The following SAXO3 variants were observed in gnomAD, a reference collection of about 807,000 sequenced individuals.
SAXO3 encodes stabilizer of axonemal microtubules 3.
chr19:49,018,808 C>T, the SAXO3 span: 2 of 1,376,146 alleles, frequency 1.5e-6, no homozygotes, highest in Non-Finnish European at 2.0e-6. Context: ...AGCCCAGGGG[C>T]TCGGCGTGCA....
At chr19:49,019,328 G>C in the SAXO3 span, 2 of 1,176,732 alleles carry the variant, frequency 1.7e-6, no homozygotes, top group South Asian at 3.5e-5. Context: ...GTGGCCACTG[G>C]AGCTGAGCTG....
At chr19:49,019,990 A>G in the SAXO3 span, 1 of 1,510,976 alleles carries the variant, frequency 6.6e-7, no homozygotes, top group East Asian at 2.5e-5. Flanking sequence ...AGGGCCCGCC[A>G]TGGGTCTTGG....
At chr19:49,020,485 G>T in the SAXO3 span, 1 of 398,920 alleles carries the variant, frequency 2.5e-6, no homozygotes, top group South Asian at 1.3e-4. Flanking sequence ...GCAGAGATAC[G>T]ACAGCCCGGA....
the SAXO3 span, chr19:49,019,505 C>T: frequency 2.5e-6 from 3 of 1,183,970 alleles, no homozygotes; most frequent in Middle Eastern, 3.2e-4. Flanking sequence ...GCCTAATGCC[C>T]AGCCCCTCCC....
At chr19:49,018,104 C>T in the SAXO3 span, 3 of 399,180 alleles carry the variant, frequency 7.5e-6, no homozygotes, top group Admixed American at 4.4e-5. Flanking sequence ...GCGGTCGAGC[C>T]GCCGGAGCGG....
At chr19:49,019,689 C>T in the SAXO3 span, 2 of 1,230,244 alleles carry the variant, frequency 1.6e-6, no homozygotes, top group Non-Finnish European at 2.1e-6. Context: ...GTTGTGGGGG[C>T]TGGGGCCCGA....
the SAXO3 span, chr19:49,020,384 G>C: frequency 2.5e-6 from 1 of 402,938 alleles, no homozygotes. Flanking sequence ...CCTGCACCGT[G>C]GGCGGGGTGA....
chr19:49,020,400 A>G, the SAXO3 span: 1 of 400,646 alleles, frequency 2.5e-6, no homozygotes, highest in Non-Finnish European at 4.4e-6. Context: ...GGTGAAGGGT[A>G]TGGGTGGGAT....
At chr19:49,018,032 C>T in the SAXO3 span, 3 of 398,476 alleles carry the variant, frequency 7.5e-6, no homozygotes, top group Non-Finnish European at 1.3e-5. Flanking sequence ...TTTCGGCACG[C>T]TGTAGATGCC....
the SAXO3 span, chr19:49,018,997 G>C: frequency 2.0e-6 from 3 of 1,532,498 alleles, no homozygotes; most frequent in Non-Finnish European, 2.6e-6. Flanking sequence ...CAGGCAATTA[G>C]AGCCTGAGCA....
At chr19:49,019,682 G>T in the SAXO3 span, 5 of 1,236,600 alleles carry the variant, frequency 4.0e-6, no homozygotes, top group Middle Eastern at 5.0e-4. Context: ...TCTGCGAGTT[G>T]TGGGGGCTGG....
chr19:49,018,573 T>A, the SAXO3 span, among the ~76,000 whole-genome samples: 5 of 151,910 alleles, frequency 3.3e-5, no homozygotes, highest in Non-Finnish European at 7.4e-5. Flanking sequence ...TTCGCTTCCT[T>A]GGGAAGGAGT....
At chr19:49,018,521 T>G in the SAXO3 span, among the ~76,000 whole-genome samples, 2 of 152,132 alleles carry the variant, frequency 1.3e-5, no homozygotes, top group African/African-American at 4.8e-5. Context: ...CTTAACGTCC[T>G]GGAAACTGAG....
chr19:49,019,564 C>A, the SAXO3 span: 1 of 1,217,116 alleles, frequency 8.2e-7, no homozygotes, highest in South Asian at 2.7e-5. Context: ...TAGCCACGCC[C>A]CAAAGCCGTG....
At chr19:49,018,068 C>T in the SAXO3 span, 4 of 398,796 alleles carry the variant, frequency 1.0e-5, no homozygotes, top group Non-Finnish European at 1.8e-5. Flanking sequence ...GTGCGGGCCG[C>T]CCCAGGGCGC....
At chr19:49,019,560 C>T in the SAXO3 span, 3 of 1,191,636 alleles carry the variant, frequency 2.5e-6, no homozygotes, top group African/African-American at 1.6e-5. Flanking sequence ...CCTTTAGCCA[C>T]GCCCCAAAGC....
chr19:49,019,014 G>C, the SAXO3 span: 1 of 1,529,464 alleles, frequency 6.5e-7, no homozygotes, highest in Admixed American at 2.0e-5. Context: ...AGCAAGATTG[G>C]GGGAGGAGGC....
At chr19:49,019,286 C>G in the SAXO3 span, 2 of 1,219,182 alleles carry the variant, frequency 1.6e-6, no homozygotes, top group East Asian at 6.2e-5. Flanking sequence ...AAACAACCTC[C>G]CTGGTTCCGC....
At chr19:49,019,173 T>G in the SAXO3 span, 1 of 1,411,022 alleles carries the variant, frequency 7.1e-7, no homozygotes, top group Admixed American at 3.0e-5. Flanking sequence ...GCCAGGGAAC[T>G]TCAGCTTCCT....
Sources: gnomAD v4.1 joint callset for allele counts (sites outside exome capture counted in the v4.1 genomes callset) on GRCh38, gnomAD v4.1.1 for gene constraint, MANE v1.5 for transcripts, NCBI Gene and HGNC (gene_info 2026-07-23, HGNC 2026-07-21) for gene names.